The following RPA3 variants were observed in gnomAD, a reference collection of about 807,000 sequenced individuals.
RPA3 encodes replication protein A 14 kDa subunit.
In RPA3, 24 loss-of-function variants were observed where a neutral mutation model predicts 13.7. The observed-to-expected ratio is 1.75, with a 90% CI of 1.27 to 2.46. The LOEUF (loss-of-function observed/expected upper bound fraction) is 2.46, where lower values mean the gene tolerates loss of function less well. RPA3 is among the 30% of genes most tolerant of loss of function. The pLI is 0.00. For missense variants in RPA3, 183 were observed against 151.0 expected, an observed-to-expected ratio of 1.21 and a Z score of -1.11; for synonymous variants, 59 against 51.2, an observed-to-expected ratio of 1.15 and a Z score of -0.65.
At chr7:7,642,989 T>C (rs956570581) in intron 4 of RPA3, among the ~76,000 whole-genome samples, 3 of 152,236 alleles carry the variant, frequency 2.0e-5, no homozygotes, top group Non-Finnish European at 4.4e-5. Flanking sequence ...GATTCATCTA[T>C]GTTGACGAAT....
intron 2 of RPA3, among the ~76,000 whole-genome samples, chr7:7,711,734 A>G (rs1780769411): frequency 6.6e-6 from 1 of 151,986 alleles, no homozygotes; most frequent in South Asian, 2.1e-4. Flanking sequence ...CTAGTTACAA[A>G]TTTTGTTGCA....
chr7:7,654,052 A>G (rs1191030202), intron 4 of RPA3, among the ~76,000 whole-genome samples: 1 of 152,220 alleles, frequency 6.6e-6, no homozygotes, highest in East Asian at 1.9e-4. Flanking sequence ...ATTGTGAATA[A>G]GAAGCAGTAG....
intron 4 of RPA3, among the ~76,000 whole-genome samples, chr7:7,681,797 C>T (rs948673243): frequency 3.9e-5 from 6 of 152,096 alleles, no homozygotes; most frequent in African/African-American, 1.4e-4. Context: ...AAGACATTAT[C>T]TTTAAGTTGA....
chr7:7,706,110 A>G (rs930177047), intron 2 of RPA3, among the ~76,000 whole-genome samples: 2 of 152,208 alleles, frequency 1.3e-5, no homozygotes, highest in African/African-American at 4.8e-5. Flanking sequence ...TGGAGTCAGG[A>G]TGCTACAAAG....
chr7:7,707,837 C>T (rs1279804774), intron 2 of RPA3, among the ~76,000 whole-genome samples: 1 of 152,104 alleles, frequency 6.6e-6, no homozygotes, highest in Non-Finnish European at 1.5e-5. Context: ...TTTGCCTAGC[C>T]AGATCTTTTA....
At chr7:7,688,044 T>G (rs2115132743) in intron 2 of RPA3, among the ~76,000 whole-genome samples, 1 of 152,312 alleles carries the variant, frequency 6.6e-6, no homozygotes, top group South Asian at 2.1e-4. Context: ...TTGCTGTTGC[T>G]ATGTTAGGGG....
At chr7:7,688,909 C>T (rs927384269) in intron 2 of RPA3, among the ~76,000 whole-genome samples, 1 of 152,058 alleles carries the variant, frequency 6.6e-6, no homozygotes, top group Admixed American at 6.6e-5. Flanking sequence ...GGTATTTTCT[C>T]CAATGAAAAT....
chr7:7,657,139 T>A (rs1396527032), intron 4 of RPA3, among the ~76,000 whole-genome samples: 1 of 152,172 alleles, frequency 6.6e-6, no homozygotes, highest in Non-Finnish European at 1.5e-5. Context: ...AGTTCATATC[T>A]TCTGCCCACT....
rs576045140 is a variant in RPA3 at position 7,709,870 on chromosome 7, C to A, written c.-1028+5305G>T. On this transcript the variant is annotated intron_variant, in intron 2 of 7. Transcript: ENST00000223129. Reference sequence around the variant, plus strand: ...CCAATTGGTTTAAGAAATATAATTTCTTGTTAACCTTGAAGTTCTCTAAGT... The same window carrying A: ...CCAATTGGTTTAAGAAATATAATTTATTGTTAACCTTGAAGTTCTCTAAGT... Among the ~76,000 whole-genome samples the A allele has an allele frequency of 6.6e-5, 10 of 151,966 alleles. 1 individual carries two copies. The highest frequency in any genetic ancestry group is 2.4e-4 in the African/African-American group (10 of 41,440).
At chr7:7,714,316 T>C (rs1335449459) in intron 2 of RPA3, among the ~76,000 whole-genome samples, 15 of 152,258 alleles carry the variant, frequency 9.9e-5, no homozygotes, top group Admixed American at 9.8e-4. Flanking sequence ...ATGAGCAGAC[T>C]TTCTTTGGCT....
At chr7:7,676,938 A>G (rs1011033096) in intron 4 of RPA3, among the ~76,000 whole-genome samples, 1 of 152,118 alleles carries the variant, frequency 6.6e-6, no homozygotes, top group African/African-American at 2.4e-5. Context: ...TCTTTTTATT[A>G]TATCATTCTA....
At chr7:7,656,016 G>A (rs1418061727) in intron 4 of RPA3, among the ~76,000 whole-genome samples, 1 of 151,982 alleles carries the variant, frequency 6.6e-6, no homozygotes, top group Admixed American at 6.6e-5. Flanking sequence ...TGTATTTTTA[G>A]TAGAGACGGG....
intron 4 of RPA3, among the ~76,000 whole-genome samples, chr7:7,651,855 C>A (rs575177461): frequency 6.6e-6 from 1 of 152,214 alleles, no homozygotes; most frequent in South Asian, 2.1e-4. Flanking sequence ...GAAATTCAAC[C>A]TTCTTTCTTT....
At chr7:7,704,370 T>C (rs931978577) in intron 2 of RPA3, among the ~76,000 whole-genome samples, 1 of 152,084 alleles carries the variant, frequency 6.6e-6, no homozygotes. Context: ...TTAACAGATA[T>C]AACTGACGTA....
chr7:7,702,120 T>A (rs1186314033), intron 2 of RPA3, among the ~76,000 whole-genome samples: 2 of 152,206 alleles, frequency 1.3e-5, no homozygotes, highest in East Asian at 3.8e-4. Flanking sequence ...ACTATGTAGA[T>A]GTTTTCTATT....
intron 6 of RPA3, 23 bp from the exon 7 acceptor site, chr7:7,637,995 G>A (rs915871577): frequency 2.6e-6 from 4 of 1,557,558 alleles, no homozygotes; most frequent in Admixed American, 3.4e-5. Context: ...ACAAGACATC[G>A]ATTTGGTGAT....
chr7:7,672,595 C>G (rs889480421), intron 4 of RPA3, among the ~76,000 whole-genome samples: 1 of 152,144 alleles, frequency 6.6e-6, no homozygotes, highest in East Asian at 1.9e-4. Flanking sequence ...ATGTTGTTCT[C>G]GTGATAGTGA....
intron 4 of RPA3, among the ~76,000 whole-genome samples, chr7:7,672,642 C>T (rs1779636128): frequency 6.6e-6 from 1 of 152,138 alleles, no homozygotes; most frequent in African/African-American, 2.4e-5. Context: ...TTATAAGGGG[C>T]TTGGCACTCA....
At chr7:7,700,347 GA>G (rs776796540) in intron 2 of RPA3, among the ~76,000 whole-genome samples, 1 of 152,164 alleles carries the variant, frequency 6.6e-6, no homozygotes, top group Non-Finnish European at 1.5e-5. Flanking sequence ...CCATCACTAT[GA>G]GGGGTAGGAT....
Sources: allele counts gnomAD v4.1 joint callset (sites outside exome capture counted in the v4.1 genomes callset), GRCh38; gene constraint gnomAD v4.1.1; transcripts MANE v1.5; gene names NCBI Gene and HGNC (gene_info 2026-07-23, HGNC 2026-07-21).